The following UNC45A variants were observed in gnomAD, a reference collection of about 807,000 sequenced individuals.
UNC45A encodes protein unc-45 homolog A.
In UNC45A, 78 loss-of-function variants were observed where a neutral mutation model predicts 103.2. The ratio of observed to expected loss-of-function variants is 0.76; its 90% confidence interval spans 0.63 to 0.91. The LOEUF (loss-of-function observed/expected upper bound fraction) is 0.91. Ranked by LOEUF, UNC45A falls within the 40% of genes least tolerant of loss-of-function variation. UNC45A has a pLI of 0.00. For synonymous variants in UNC45A, 495 were observed against 504.6 expected (o/e 0.98, Z 0.25); for missense variants, 1,193 against 1,224.8 (o/e 0.97, Z 0.39).
chr15:90,949,758 C>G, intron 15 of UNC45A, 38 bp downstream of exon 15: 1 of 1,604,710 alleles, frequency 6.2e-7, no homozygotes, highest in South Asian at 1.1e-5. Context: ...ATGGCTGAGC[C>G]ATCAGCCTAT....
upstream of UNC45A, chr15:90,931,224 T>G: frequency 6.5e-7 from 1 of 1,546,590 alleles, no homozygotes; most frequent in Non-Finnish European, 8.7e-7. Flanking sequence ...ATGAATCCTG[T>G]CCGGCCTGAA....
upstream of UNC45A, chr15:90,931,969 C>T (rs748828424): frequency 4.3e-6 from 7 of 1,613,876 alleles, no homozygotes; most frequent in South Asian, 4.4e-5. Context: ...CCACTCAGCC[C>T]TGAGATGTCA....
chr15:90,944,306 G>C (rs991756753), intron 8 of UNC45A, among the ~76,000 whole-genome samples: 6 of 151,924 alleles, frequency 3.9e-5, no homozygotes, highest in African/African-American at 9.7e-5. Context: ...AGAATCACTT[G>C]AACTCAGGAG....
chr15:90,936,598 T>C (rs1220597248), intron 4 of UNC45A, 138 bp downstream of exon 4: 3 of 984,188 alleles, frequency 3.0e-6, no homozygotes, highest in Non-Finnish European at 4.4e-6. Flanking sequence ...CAAATTAAGA[T>C]GACAGCACAT....
chr15:90,950,015 G>C, intron 15 of UNC45A, 139 bp from the exon 16 acceptor site: 2 of 781,316 alleles, frequency 2.6e-6, no homozygotes, highest in Non-Finnish European at 4.1e-6. Flanking sequence ...GGAAGTGTTT[G>C]GATGCAGAGG....
At position 90,953,866 on chromosome 15, in the gene UNC45A, G is replaced by C. The variant is rs2037074004; in HGVS notation, c.*150G>C. 1 of 1,186,178 alleles carries C rather than the reference G, an allele frequency of 8.4e-7. No individual in the cohort carries two copies. The highest frequency in any genetic ancestry group is 1.5e-5 in the African/African-American group (1 of 65,644). 73.5% of individuals were successfully genotyped at this position (1,186,178 alleles called of 1,614,324 possible). A position where few individuals can be genotyped will look rare whatever the true frequency, so the allele number is the denominator to read the frequency against. ...TGCCCTAGGATGTCCTCTGTTCTGA[G>C]TCAGCGGCCACGTTCAGTCACACAG... On this transcript the variant is annotated 3_prime_UTR_variant, in exon 20 of 20. Coordinates refer to ENST00000418476, the MANE Select transcript of UNC45A (RefSeq NM_018671.5).
intron 9 of UNC45A, 48 bp downstream of exon 9, chr15:90,945,111 A>C: frequency 6.2e-7 from 1 of 1,601,604 alleles, no homozygotes; most frequent in Non-Finnish European, 8.5e-7. Flanking sequence ...CTAGCGAAAA[A>C]GTTCTGACTC....
At position 90,935,556 on chromosome 15, in the gene UNC45A, G is replaced by C; in HGVS notation, c.64G>C (p.Glu22Gln). The C allele has an allele frequency of 6.2e-7, 1 of 1,606,718 alleles. No individual in the cohort carries two copies. The highest frequency in any genetic ancestry group is 1.1e-5 in the South Asian group (1 of 89,960). ...RPATPGASSVEQLRKEGNELF... is the reference protein window; with the variant it reads ...RPATPGASSVQQLRKEGNELF... ...TTTCTCTCTACAGGCCAGCTCAGTG[G>C]AGCAGCTGCGGAAGGAGGGCAATGA... is the stretch of plus-strand genomic sequence containing the variant. Residue 22 changes from glutamate (E) to glutamine (Q), a missense_variant, in exon 2 of 20, where the codon GAG (glutamate) becomes CAG (glutamine). Glu to Gln is a conservative substitution (Grantham distance 29, BLOSUM62 2). Coordinates refer to ENST00000418476, the MANE Select transcript of UNC45A (RefSeq NM_018671.5).
chr15:90,947,575 G>T (rs1290267769), intron 10 of UNC45A: 2 of 575,358 alleles, frequency 3.5e-6, no homozygotes, highest in Non-Finnish European at 6.3e-6. Context: ...AGCGGCCAGC[G>T]CATCAGTGTC....
In UNC45A at chr15:90,935,889, G is replaced by C. The variant is rs771495145; in HGVS notation, c.214-57G>C. ...AGAGCGAGAGTACCCCTGCTGCCTG[G>C]TTAGTGCCCCGAGAGGGAGATGACC... On this transcript the variant is annotated intron_variant, in intron 2 of 19. Transcript: ENST00000418476. 5.6e-6 allele frequency: 9 copies of C among 1,612,198 alleles called. No homozygotes were observed. The African/African-American group carries it at 9.3e-5, about 17-fold the overall frequency.
intron 3 of UNC45A, 126 bp from the exon 4 acceptor site, chr15:90,936,159 T>C: frequency 6.6e-7 from 1 of 1,508,172 alleles, no homozygotes; most frequent in South Asian, 1.3e-5. Flanking sequence ...TTTCTGAGGC[T>C]GAAGCACCGA....
Position 90,952,921 on chromosome 15 carries a change from C to T in UNC45A, c.2304-8C>T, listed in dbSNP as rs369988715. On this transcript the variant is annotated splice_polypyrimidine_tract_variant and splice_region_variant and intron_variant, in intron 17 of 19. Transcript: ENST00000418476. The stretch of plus-strand genomic sequence containing the variant: ...GTATCCCTGCTGCTTCCTCCTGTGG[C>T]CCTGCAGGCAGAAGATCCTGAAGGA... The T allele has an allele frequency of 4.4e-6, 7 of 1,608,990 alleles. No individual in the cohort carries two copies. The highest frequency in any genetic ancestry group is 5.9e-6 in the Non-Finnish European group (7 of 1,177,370).
chr15:90,953,239 C>G lies in UNC45A; in HGVS notation c.2506C>G (p.Arg836Gly). The change falls in exon 19 of 20, where the codon CGG (arginine) becomes GGG (glycine). Residue 836 changes from arginine (R) to glycine (G), a missense_variant. Physicochemically the swap from Arg to Gly is moderately radical, Grantham distance 125 (BLOSUM62 -2). Transcript: ENST00000418476. ...YSGEDDELLQRAAAGGLAMLT... is the reference protein window; with the variant it reads ...YSGEDDELLQGAAAGGLAMLT... ...TGGAGAGGATGATGAGCTGCTACAG[C>G]GGGCAGCTGCCGGGGGCTTGGCCAT... 1 of 1,613,680 alleles carries G rather than the reference C, an allele frequency of 6.2e-7. No individual in the cohort carries two copies. Among genetic ancestry groups the G allele is most frequent in the Non-Finnish European group, 8.5e-7 (1 of 1,180,016 alleles).
rs759818458 is a variant in UNC45A, at chr15:90,948,749, G to C, written c.1833G>C (p.Glu611Asp). Residue 611 changes from glutamate (E) to aspartate (D), a missense_variant, in exon 13 of 20, where the codon GAG becomes GAC. By Grantham distance (45) the Glu-to-Asp change is conservative. Transcript: ENST00000418476. The stretch of plus-strand genomic sequence containing the variant: ...AGGAGCCCGACCCCAAGATGGTGGA[G>C]CTGGCCAAGTATGCCAAGCAGCATG... ...DYEEPDPKMVELAKYAKQHVP... is the reference protein window; with the variant it reads ...DYEEPDPKMVDLAKYAKQHVP... 8 of 1,613,334 alleles carry C rather than the reference G, an allele frequency of 5.0e-6. No individual in the cohort carries two copies. Among genetic ancestry groups the C allele is most frequent in the South Asian group, 1.1e-5 (1 of 90,978 alleles).
chr15:90,940,816 G>C (rs2036255692), intron 6 of UNC45A: 1 of 161,094 alleles, frequency 6.2e-6, no homozygotes, highest in African/African-American at 2.4e-5. Context: ...AGGAGGCTGA[G>C]GCACGAGACT....
At chr15:90,939,545 G>A (rs1202013043) in intron 4 of UNC45A, among the ~76,000 whole-genome samples, 186 bp from the exon 5 acceptor site, 1 of 152,232 alleles carries the variant, frequency 6.6e-6, no homozygotes, top group Non-Finnish European at 1.5e-5. Context: ...AAGAAAAACA[G>A]GTGCGGGAAA....
In UNC45A at chr15:90,950,626, T is replaced by C. The variant is rs1396309821; in HGVS notation, c.2303+11T>C. 6 of 1,613,464 alleles carry C rather than the reference T, an allele frequency of 3.7e-6. No individual in the cohort carries two copies. In the Admixed American group the frequency reaches 5.0e-5, roughly 13 times the overall value. ...CAGCGAGAGGCTCCGGTAAGGTCCC[T>C]TGGGATTGCGGGGCCTGGACCAGGC... On this transcript the variant is annotated intron_variant, in intron 17 of 19. Coordinates refer to ENST00000418476, the MANE Select transcript of UNC45A (RefSeq NM_018671.5).
Position 90,949,645 on chromosome 15 carries a change from TC to T in UNC45A, c.2007-5del, listed in dbSNP as rs1567161009. The stretch of plus-strand genomic sequence containing the variant: ...GAGCTGCCTGCCCACCACCGCCTTC[TC>T]CCCACAGGGTCTTCTTGGCTTTAGT... On this transcript the variant is annotated splice_region_variant and splice_polypyrimidine_tract_variant and intron_variant, in intron 14 of 19. Coordinates refer to ENST00000418476, the MANE Select transcript of UNC45A (RefSeq NM_018671.5). 2 of 1,613,948 alleles carry T rather than the reference TC, an allele frequency of 1.2e-6. No individual in the cohort carries two copies. The highest frequency in any genetic ancestry group is 3.3e-5 in the Admixed American group (2 of 60,008).
upstream of UNC45A, chr15:90,935,169 G>T: frequency 1.4e-6 from 1 of 720,836 alleles, no homozygotes; most frequent in Non-Finnish European, 2.3e-6. Context: ...CAAGCGCCCC[G>T]CCCCTGCCCG....
Sources: allele counts gnomAD v4.1 joint callset (sites outside exome capture counted in the v4.1 genomes callset), GRCh38; gene constraint gnomAD v4.1.1; transcripts MANE v1.5; gene names NCBI Gene and HGNC (gene_info 2026-07-23, HGNC 2026-07-21).